The following SUSD4 variants were observed in gnomAD, a reference collection of about 807,000 sequenced individuals.
SUSD4 encodes the protein sushi domain-containing protein 4.
Under a neutral mutation model 50.5 loss-of-function variants are expected in SUSD4, and 41 were observed. The ratio of observed to expected loss-of-function variants is 0.81; its 90% CI spans 0.63 to 1.05. The LOEUF (loss-of-function observed/expected upper bound fraction) is 1.05. SUSD4 is among the 50% of genes least tolerant of loss of function. The pLI, the probability that SUSD4 is intolerant of heterozygous loss-of-function variation, is 0.00. For missense variants in SUSD4, 580 were observed against 634.7 expected, an observed-to-expected ratio of 0.91 and a Z score of 0.93; for synonymous variants, 257 against 257.3, an observed-to-expected ratio of 1.00 and a Z score of 0.01.
At chr1:223,262,382 G>C (rs981393095) in intron 5 of SUSD4, among the ~76,000 whole-genome samples, 1 of 152,146 alleles carries the variant, frequency 6.6e-6, no homozygotes, top group Non-Finnish European at 1.5e-5. Flanking sequence ...CAAATCGTGT[G>C]CTTAGGAAGA....
At chr1:223,335,861 T>C (rs1226096498) in intron 2 of SUSD4, among the ~76,000 whole-genome samples, 1 of 152,240 alleles carries the variant, frequency 6.6e-6, no homozygotes, top group Non-Finnish European at 1.5e-5. Flanking sequence ...GCTAGATTAC[T>C]TGTTGCACTT....
At chr1:223,254,757 G>A (rs1661575732) in intron 5 of SUSD4, among the ~76,000 whole-genome samples, 1 of 152,218 alleles carries the variant, frequency 6.6e-6, no homozygotes, top group Non-Finnish European at 1.5e-5. Context: ...TGAGAGAGAT[G>A]TGTGACCAAG....
intron 2 of SUSD4, among the ~76,000 whole-genome samples, chr1:223,323,082 G>A (rs191021609): frequency 1.1e-3 from 165 of 152,188 alleles, no homozygotes; most frequent in African/African-American, 3.3e-3. Flanking sequence ...GAGAAAGGAG[G>A]TGCTGAAGAG....
In SUSD4 at chr1:223,229,432, A is replaced by C; in HGVS notation, c.725-44T>G. The C allele has an allele frequency of 2.4e-4, 365 of 1,533,740 alleles. No individual in the cohort carries two copies. Among genetic ancestry groups the C allele is most frequent in the Non-Finnish European group, 3.0e-4 (332 of 1,124,626 alleles). Reference sequence around the variant, plus strand: ...ATAAAAGTTTCAGAACCACAAGCTCACCTTTGTCTGAAGCCCCTAAGACGA... The same window carrying C: ...ATAAAAGTTTCAGAACCACAAGCTCCCCTTTGTCTGAAGCCCCTAAGACGA... On this transcript the variant is annotated intron_variant, in intron 5 of 8. Transcript: ENST00000366878. This position sits in a 1 kb window ranked among gnomAD's most constrained non-coding sequence, Gnocchi z 4.7.
intron 3 of SUSD4, among the ~76,000 whole-genome samples, chr1:223,283,534 C>A (rs886242466): frequency 2.0e-5 from 3 of 152,130 alleles, no homozygotes; most frequent in African/African-American, 7.2e-5. Flanking sequence ...CAATGAGATA[C>A]CATCTCACAC....
intron 2 of SUSD4, among the ~76,000 whole-genome samples, chr1:223,361,182 G>A (rs1668954776): frequency 6.6e-6 from 1 of 152,090 alleles, no homozygotes; most frequent in South Asian, 2.1e-4. Context: ...TTGCCTTATT[G>A]GAGCCTCCAT....
chr1:223,242,584 G>A (rs1358533507), intron 5 of SUSD4, among the ~76,000 whole-genome samples: 1 of 152,224 alleles, frequency 6.6e-6, no homozygotes, highest in African/African-American at 2.4e-5. Context: ...CACGTGGCAG[G>A]ATGCCTGATA....
chr1:223,223,999 T>C (rs1017050262), intron 7 of SUSD4, among the ~76,000 whole-genome samples: 2 of 152,204 alleles, frequency 1.3e-5, no homozygotes, highest in Non-Finnish European at 2.9e-5. Context: ...AGCAGCCCAG[T>C]GCACCTCTGA....
In SUSD4 at chr1:223,227,158, T is replaced by C. The variant is rs1571828835; in HGVS notation, c.1061+436A>G. Among the ~76,000 whole-genome samples, 2 of 152,344 alleles carry C rather than the reference T, an allele frequency of 1.3e-5. No individual in the cohort carries two copies. The highest frequency in any genetic ancestry group is 2.1e-4 in the South Asian group (1 of 4,826). On this transcript the variant is annotated intron_variant, in intron 7 of 8. Coordinates refer to ENST00000366878, the MANE Select transcript of SUSD4 (RefSeq NM_017982.4). The surrounding 1 kb of genome is among the most constrained non-coding windows in gnomAD (Gnocchi z 4.5). ...TTTTCTCCTTCCTGAGGCTTCTCAA[T>C]GCATAACACTTTTGTTCACACACCT...
chr1:223,255,639 TA>T (rs1661633211), intron 5 of SUSD4, among the ~76,000 whole-genome samples: 1 of 152,166 alleles, frequency 6.6e-6, no homozygotes, highest in South Asian at 2.1e-4. Context: ...AAGCATTACC[TA>T]ACCTTGTATT....
chr1:223,330,192 G>T (rs1257509485), intron 2 of SUSD4, among the ~76,000 whole-genome samples: 1 of 152,126 alleles, frequency 6.6e-6, no homozygotes, highest in Non-Finnish European at 1.5e-5. Flanking sequence ...GTTCTCAGCT[G>T]GGGAGGTTTT....
intron 2 of SUSD4, among the ~76,000 whole-genome samples, chr1:223,293,087 G>A (rs1340847412): frequency 6.6e-6 from 1 of 152,134 alleles, no homozygotes; most frequent in Non-Finnish European, 1.5e-5. Context: ...GTTTTCTAAC[G>A]GTAGAAATGG....
At chr1:223,304,752 ACT>A (rs1211388414) in intron 2 of SUSD4, among the ~76,000 whole-genome samples, 1 of 114,920 alleles carries the variant, frequency 8.7e-6, no homozygotes, top group African/African-American at 3.6e-5. Flanking sequence ...TAGCTGTGTA[ACT>A]CTGGGTAAGT....
upstream of SUSD4, among the ~76,000 whole-genome samples, chr1:223,365,213 C>T (rs918304956): frequency 1.3e-5 from 2 of 150,542 alleles, no homozygotes; most frequent in Non-Finnish European, 3.0e-5. Flanking sequence ...GTCTCTGCGC[C>T]GATTCTGGTG....
In SUSD4 at chr1:223,222,042, G is replaced by A. The variant is rs1181616865; in HGVS notation, c.*150C>T. 2 of 717,700 alleles carry A rather than the reference G, an allele frequency of 2.8e-6. No homozygotes were observed. Among genetic ancestry groups the A allele is most frequent in the Non-Finnish European group, 4.6e-6 (2 of 432,124 alleles). The allele number at this position is 717,700 out of a possible 1,614,324, so 44.5% of individuals were successfully genotyped here. On this transcript the variant is annotated 3_prime_UTR_variant, in exon 9 of 9. Coordinates refer to ENST00000366878, the MANE Select transcript of SUSD4 (RefSeq NM_017982.4). ...GCCATTGCAGTTTGTCAGCCTCACT[G>A]TGGAGCCTGAGATGCATAATGTGAA...
chr1:223,347,757 G>C (rs1221158346), intron 2 of SUSD4, among the ~76,000 whole-genome samples: 2 of 71,276 alleles, frequency 2.8e-5, no homozygotes, highest in African/African-American at 1.2e-4. Flanking sequence ...CTTGTGTTCT[G>C]AGTCATACCT....
At chr1:223,277,163 C>T (rs965957044) in intron 3 of SUSD4, among the ~76,000 whole-genome samples, 4 of 152,206 alleles carry the variant, frequency 2.6e-5, no homozygotes, top group Non-Finnish European at 5.9e-5. Flanking sequence ...TACTTAAACT[C>T]ATATTGCACC....
chr1:223,281,000 C>A (rs931285541), intron 3 of SUSD4, among the ~76,000 whole-genome samples: 2 of 152,058 alleles, frequency 1.3e-5, no homozygotes, highest in Admixed American at 6.5e-5. Flanking sequence ...AGTTACATAA[C>A]GAAATGAAGG....
At chr1:223,259,332 G>A (rs1661933158) in intron 5 of SUSD4, among the ~76,000 whole-genome samples, 1 of 152,128 alleles carries the variant, frequency 6.6e-6, no homozygotes, top group South Asian at 2.1e-4. Context: ...TTGAAGGGAG[G>A]ACTTCTGGAT....
Sources: gnomAD v4.1 joint callset for allele counts (sites outside exome capture counted in the v4.1 genomes callset) on GRCh38, gnomAD v4.1.1 for gene constraint, Gnocchi (gnomAD v3.1) non-coding constraint, MANE v1.5 for transcripts, NCBI Gene and HGNC (gene_info 2026-07-23, HGNC 2026-07-21) for gene names.